NUMB: variants seen among roughly 807,000 people sequenced by gnomAD.
NUMB encodes the protein protein numb homolog.
In NUMB, 29 loss-of-function variants were observed where a neutral mutation model predicts 59.7. The ratio of observed to expected loss-of-function variants is 0.49; its 90% CI spans 0.36 to 0.66. The LOEUF is 0.66. NUMB is among the 30% of genes least tolerant of loss of function. NUMB has a pLI of 0.00. For synonymous variants in NUMB, 288 were observed against 288.2 expected (o/e 1.00, Z 0.01); for missense variants, 723 against 822.0 (o/e 0.88, Z 1.47).
chr14:73,365,046 CTTCTT>C (rs1400756132), intron 3 of NUMB, among the ~76,000 whole-genome samples: 1 of 151,952 alleles, frequency 6.6e-6, no homozygotes, highest in African/African-American at 2.4e-5. Flanking sequence ...AATAAGGTCT[CTTCTT>C]TTTTCTTTAA....
chr14:73,386,316 T>C (rs1456680380), intron 2 of NUMB, among the ~76,000 whole-genome samples: 2 of 152,208 alleles, frequency 1.3e-5, no homozygotes, highest in Non-Finnish European at 2.9e-5. Context: ...TTTAATTGAA[T>C]AGATTGCAGG....
intron 6 of NUMB, 72 bp from the exon 7 acceptor site, chr14:73,297,357 GA>G: frequency 1.1e-6 from 1 of 937,826 alleles, no homozygotes; most frequent in South Asian, 1.4e-5. Context: ...ATCTTCCACA[GA>G]AAACACTGAC....
intron 2 of NUMB, among the ~76,000 whole-genome samples, chr14:73,392,883 G>A (rs1488429211): frequency 6.6e-6 from 1 of 152,082 alleles, no homozygotes; most frequent in Admixed American, 6.6e-5. Flanking sequence ...GTCCACACAT[G>A]AGATTGGGGG....
At chr14:73,390,720 G>C (rs1323474105) in intron 2 of NUMB, among the ~76,000 whole-genome samples, 2 of 125,206 alleles carry the variant, frequency 1.6e-5, no homozygotes, top group African/African-American at 3.1e-5. Flanking sequence ...CGTGATCTCA[G>C]CTCACTTCAA....
intron 4 of NUMB, among the ~76,000 whole-genome samples, chr14:73,332,949 A>G (rs925800385): frequency 1.3e-5 from 2 of 152,116 alleles, no homozygotes; most frequent in African/African-American, 4.8e-5. Context: ...AATGCTTTTC[A>G]TACCTGAGTG....
At chr14:73,290,348 G>A (rs1889311179) in intron 8 of NUMB, among the ~76,000 whole-genome samples, 1 of 152,180 alleles carries the variant, frequency 6.6e-6, no homozygotes, top group Non-Finnish European at 1.5e-5. Context: ...CAGAACCTAT[G>A]CTAAGTGTGC....
intron 11 of NUMB, among the ~76,000 whole-genome samples, chr14:73,280,650 T>G (rs1888561007): frequency 6.6e-6 from 1 of 151,856 alleles, no homozygotes; most frequent in South Asian, 2.1e-4. Flanking sequence ...TATATCCTTT[T>G]TAGGACTGGA....
chr14:73,312,232 A>G (rs1225718007), intron 6 of NUMB, among the ~76,000 whole-genome samples: 1 of 152,018 alleles, frequency 6.6e-6, no homozygotes, highest in African/African-American at 2.4e-5. Flanking sequence ...TGTCTCTACT[A>G]AAAATACAAA....
chr14:73,416,532 T>C (rs1028320015), intron 1 of NUMB, among the ~76,000 whole-genome samples: 1 of 152,104 alleles, frequency 6.6e-6, no homozygotes, highest in South Asian at 2.1e-4. Flanking sequence ...GTATCCAAAA[T>C]AAATAAGTGT....
At chr14:73,388,576 C>G (rs1895672777) in intron 2 of NUMB, among the ~76,000 whole-genome samples, 1 of 151,808 alleles carries the variant, frequency 6.6e-6, no homozygotes, top group African/African-American at 2.4e-5. Context: ...TATTGTGGAT[C>G]TGATAACTCA....
At chr14:73,390,598 TTATTTATAAGAC>T (rs1895791384) in intron 2 of NUMB, among the ~76,000 whole-genome samples, 1 of 149,982 alleles carries the variant, frequency 6.7e-6, no homozygotes, top group Admixed American at 6.6e-5. Flanking sequence ...CCCTACTGTC[TTATTTATAAGAC>T]TGATTTCCTT....
At chr14:73,329,260 G>C (rs1296374315) in intron 4 of NUMB, among the ~76,000 whole-genome samples, 1 of 152,104 alleles carries the variant, frequency 6.6e-6, no homozygotes, top group African/African-American at 2.4e-5. Context: ...TGGTATTATA[G>C]CTAAGCAATC....
At chr14:73,279,513 C>T (rs1020613849) in intron 11 of NUMB, 89 bp from the exon 12 acceptor site, 6 of 1,268,028 alleles carry the variant, frequency 4.7e-6, no homozygotes, top group African/African-American at 1.5e-5. Context: ...GGTGAATGTA[C>T]AATACTGGTG....
At chr14:73,311,614 A>T (rs1300839216) in intron 6 of NUMB, among the ~76,000 whole-genome samples, 1 of 152,210 alleles carries the variant, frequency 6.6e-6, no homozygotes, top group Non-Finnish European at 1.5e-5. Context: ...TAAATTCAGA[A>T]TCGGGGCAAA....
chr14:73,329,226 T>A (rs2139941991), intron 4 of NUMB, among the ~76,000 whole-genome samples: 1 of 152,294 alleles, frequency 6.6e-6, no homozygotes, highest in South Asian at 2.1e-4. Flanking sequence ...TCGATGAGGT[T>A]AATTTTTTTT....
intron 4 of NUMB, among the ~76,000 whole-genome samples, chr14:73,351,444 C>T (rs571829402): frequency 1.3e-5 from 2 of 152,218 alleles, no homozygotes; most frequent in African/African-American, 4.8e-5. Context: ...GCTGAGATCG[C>T]GCCACTGCAC....
intron 2 of NUMB, among the ~76,000 whole-genome samples, chr14:73,395,087 G>GTGTGTA (rs1428648441): frequency 7.1e-6 from 1 of 141,136 alleles, no homozygotes; most frequent in Non-Finnish European, 1.5e-5. Context: ...GTGTGTGTGT[G>GTGTGTA]TGTGTTACAT....
At chr14:73,336,809 AAT>A (rs1412308940) in intron 4 of NUMB, among the ~76,000 whole-genome samples, 2 of 152,260 alleles carry the variant, frequency 1.3e-5, no homozygotes, top group African/African-American at 4.8e-5. Context: ...AGAATCCCTT[AAT>A]ATACTCAATA....
intron 1 of NUMB, among the ~76,000 whole-genome samples, chr14:73,427,206 CG>C (rs1897620741): frequency 6.6e-6 from 1 of 151,922 alleles, no homozygotes; most frequent in South Asian, 2.1e-4. Flanking sequence ...AGGCCTGGTG[CG>C]GTGGCTCACG....
Sources: gnomAD v4.1 joint callset for allele counts (sites outside exome capture counted in the v4.1 genomes callset) on GRCh38, gnomAD v4.1.1 for gene constraint, MANE v1.5 for transcripts, NCBI Gene and HGNC (gene_info 2026-07-23, HGNC 2026-07-21) for gene names.